SATB1: variants seen among roughly 807,000 people sequenced by gnomAD.
SATB1 encodes the protein DNA-binding protein SATB1.
In SATB1, 11 loss-of-function variants were observed where a neutral mutation model predicts 86.9. The observed-to-expected ratio is 0.13, with a 90% CI of 0.08 to 0.21. The LOEUF (loss-of-function observed/expected upper bound fraction) is 0.21, where lower values mean the gene tolerates loss of function less well. Ranked by LOEUF, SATB1 falls within the 10% of genes least tolerant of loss-of-function variation. The probability of loss-of-function intolerance (pLI) is 1.00; values close to 1 mark genes in which losing one functional copy is unlikely to be tolerated. For missense variants in SATB1, 551 were observed against 937.6 expected, an observed-to-expected ratio of 0.59 and a Z score of 5.39; for synonymous variants, 357 against 357.2, an observed-to-expected ratio of 1.00 and a Z score of 0.01.
chr3:18,348,184 A>G lies in SATB1; in HGVS notation c.*986T>C, dbSNP rs910467849. Reference sequence around the variant, plus strand: ...CATTGCAAACATCAATTATTTTCACATTAATTGCATAATTTTCTAAGGTGA... The same window carrying G: ...CATTGCAAACATCAATTATTTTCACGTTAATTGCATAATTTTCTAAGGTGA... On this transcript the variant is annotated 3_prime_UTR_variant, in exon 11 of 11. Transcript: ENST00000338745. 5 of 152,650 alleles carry G rather than the reference A, an allele frequency of 3.3e-5. No homozygotes were observed. The highest frequency in any genetic ancestry group is 9.6e-5 in the African/African-American group (4 of 41,462). The allele number at this position is 152,650 out of a possible 1,614,324, so 9.5% of individuals were successfully genotyped here.
intron 1 of SATB1, among the ~76,000 whole-genome samples, chr3:18,421,781 TA>T (rs1183280670): frequency 6.6e-6 from 1 of 151,660 alleles, no homozygotes; most frequent in East Asian, 1.9e-4. Flanking sequence ...TAACAATAAA[TA>T]TTTTTAAAAA....
chr3:18,410,354 G>A (rs771819049), intron 5 of SATB1, among the ~76,000 whole-genome samples: 5 of 151,980 alleles, frequency 3.3e-5, no homozygotes, highest in Admixed American at 6.6e-5. Context: ...TCTGTGGTAT[G>A]TGATGAAAAG....
At chr3:18,416,223 CTACCACAAGCAG>C in intron 3 of SATB1, 90 bp from the exon 4 acceptor site, 1 of 962,014 alleles carries the variant, frequency 1.0e-6, no homozygotes, top group Non-Finnish European at 1.5e-6. Flanking sequence ...TCTACTACCC[CTACCACAAGCAG>C]TACCGTTATT....
rs115052805 is a variant in SATB1 at position 18,390,691 on chromosome 3, T to G, written c.1206+3771A>C. 4.2e-3 allele frequency among the ~76,000 whole-genome samples: 640 copies of G among 152,280 alleles called. 10 individuals are homozygous for G. The highest frequency in any genetic ancestry group is 0.014 in the African/African-American group (599 of 41,554). On this transcript the variant is annotated intron_variant, in intron 7 of 10. Coordinates refer to ENST00000338745, the MANE Select transcript of SATB1 (RefSeq NM_002971.6). ...ATTACATGATGGTCCATTACTGTTATCAGTTTTGAATAATCCATCTTCATT... is the reference window on the plus strand; with the variant it reads ...ATTACATGATGGTCCATTACTGTTAGCAGTTTTGAATAATCCATCTTCATT...
intron 9 of SATB1, among the ~76,000 whole-genome samples, chr3:18,373,279 C>G (rs1695565374): frequency 6.6e-6 from 1 of 152,218 alleles, no homozygotes; most frequent in African/African-American, 2.4e-5. Flanking sequence ...ATTCTCAAAT[C>G]TGCAGGGCCT....
In SATB1 at chr3:18,378,219, G is replaced by A. The variant is rs370390997; in HGVS notation, c.1526C>T (p.Ala509Val). 4 of 1,609,468 alleles carry A rather than the reference G, an allele frequency of 2.5e-6. No individual in the cohort carries two copies. Among genetic ancestry groups the A allele is most frequent in the Non-Finnish European group, 8.5e-7 (1 of 1,178,334 alleles). ...YDEIQQEMKRAKVSQALFAKV... is the reference protein window; with the variant it reads ...YDEIQQEMKRVKVSQALFAKV... ...TGCAAACAGTGCTTGAGACACTTTA[G>A]CACGCTTCATTTCCTGCTGAATCTC... is the stretch of plus-strand genomic sequence containing the variant. Residue 509 changes from alanine (A) to valine (V), a missense_variant, in exon 9 of 11, where the codon GCT (alanine) becomes GTT (valine). Coordinates refer to ENST00000338745, the MANE Select transcript of SATB1 (RefSeq NM_002971.6).
At chr3:18,431,206 T>C (rs1283846025) in intron 2 of SATB1, among the ~76,000 whole-genome samples, 1 of 152,148 alleles carries the variant, frequency 6.6e-6, no homozygotes, top group East Asian at 1.9e-4. Flanking sequence ...CCTCATTTTT[T>C]TCCTGTAGCT....
chr3:18,349,846 T>A lies in SATB1; in HGVS notation c.1780-164A>T. 7.9e-7 allele frequency: 1 copy of A among 1,272,000 alleles called. No homozygotes were observed. The highest frequency in any genetic ancestry group is 1.0e-6 in the Non-Finnish European group (1 of 955,682). The allele number at this position is 1,272,000 out of a possible 1,614,324, so 78.8% of individuals were successfully genotyped here. A position where few individuals can be genotyped will look rare whatever the true frequency, so the allele number is the denominator to read the frequency against. On this transcript the variant is annotated intron_variant, in intron 10 of 10. Transcript: ENST00000338745. This position sits in a 1 kb window ranked among gnomAD's most constrained non-coding sequence, Gnocchi z 5.5. Reference sequence around the variant, plus strand: ...GGCCGGCGAAATGGCCGACAGCATTTACAAAAAAATCAAAATGATATGACT... The same window carrying A: ...GGCCGGCGAAATGGCCGACAGCATTAACAAAAAAATCAAAATGATATGACT...
At chr3:18,410,531 C>T (rs1215830304) in intron 5 of SATB1, among the ~76,000 whole-genome samples, 2 of 151,882 alleles carry the variant, frequency 1.3e-5, no homozygotes, top group African/African-American at 4.8e-5. Flanking sequence ...AAGGCGCTCT[C>T]GATACATCAA....
chr3:18,405,928 G>C (rs1181647392), intron 5 of SATB1, among the ~76,000 whole-genome samples: 1 of 151,928 alleles, frequency 6.6e-6, no homozygotes, highest in Non-Finnish European at 1.5e-5. Flanking sequence ...AAATTAATCT[G>C]GCTTCATCTC....
intron 9 of SATB1, among the ~76,000 whole-genome samples, chr3:18,354,418 G>A (rs1694529882): frequency 6.6e-6 from 1 of 152,022 alleles, no homozygotes; most frequent in South Asian, 2.1e-4. Context: ...CCCGAACACA[G>A]CAAATCACAC....
At chr3:18,396,854 TATCAG>T (rs1237356209) in intron 6 of SATB1, among the ~76,000 whole-genome samples, 1 of 152,116 alleles carries the variant, frequency 6.6e-6, no homozygotes, top group Admixed American at 6.5e-5. Context: ...AAGCAAGACT[TATCAG>T]AGAAAGAAAT....
chr3:18,399,420 G>C lies in SATB1; in HGVS notation c.640-2130C>G, dbSNP rs181418625. 1.1e-4 allele frequency among the ~76,000 whole-genome samples: 17 copies of C among 152,290 alleles called. No individual in the cohort carries two copies. In the East Asian group the frequency reaches 2.3e-3, roughly 21 times the overall value. ...TGTAAATAGATCATCTCAATTTAAT[G>C]TGATTTGGTATATCAACAGTGGAAA... On this transcript the variant is annotated intron_variant, in intron 5 of 10. Transcript: ENST00000338745.
At chr3:18,383,439 G>A (rs963206525) in intron 8 of SATB1, among the ~76,000 whole-genome samples, 9 of 152,174 alleles carry the variant, frequency 5.9e-5, no homozygotes, top group Non-Finnish European at 8.8e-5. Flanking sequence ...AATGGGGGCT[G>A]GGTTTTCTGT....
At chr3:18,419,427 G>A (rs1698279138) in intron 2 of SATB1, among the ~76,000 whole-genome samples, 1 of 152,194 alleles carries the variant, frequency 6.6e-6, no homozygotes, top group African/African-American at 2.4e-5. Context: ...TTATGAGCCT[G>A]TGTAAACAGC....
rs1396095712 is a variant in SATB1, at chr3:18,397,161, A to G, written c.751+18T>C. 1 of 1,354,598 alleles carries G rather than the reference A, an allele frequency of 7.4e-7. No homozygotes were observed. The highest frequency in any genetic ancestry group is 1.2e-5 in the South Asian group (1 of 85,826). The allele number at this position is 1,354,598 out of a possible 1,614,324, so 83.9% of individuals were successfully genotyped here. On this transcript the variant is annotated intron_variant, in intron 6 of 10. Coordinates refer to ENST00000338745, the MANE Select transcript of SATB1 (RefSeq NM_002971.6). ...CGTAATGGTATGTAGCCACTGCTGC[A>G]ATGTTTTTTTTGCTTACCCATCATA...
At chr3:18,355,120 G>T (rs1328041996) in intron 9 of SATB1, among the ~76,000 whole-genome samples, 1 of 152,026 alleles carries the variant, frequency 6.6e-6, no homozygotes, top group Non-Finnish European at 1.5e-5. Flanking sequence ...TAACGGTGCA[G>T]CTGGGAACTG....
chr3:18,395,280 C>T (rs1696908325), intron 6 of SATB1, among the ~76,000 whole-genome samples: 1 of 152,112 alleles, frequency 6.6e-6, no homozygotes, highest in South Asian at 2.1e-4. Context: ...ATGTCATTTG[C>T]TTAATGACAA....
intron 9 of SATB1, among the ~76,000 whole-genome samples, chr3:18,377,105 A>G (rs559617193): frequency 6.6e-6 from 1 of 152,334 alleles, no homozygotes; most frequent in South Asian, 2.1e-4. Flanking sequence ...AACACTATAA[A>G]TGTCGATAGG....
Sources: allele counts gnomAD v4.1 joint callset (sites outside exome capture counted in the v4.1 genomes callset), GRCh38; gene constraint gnomAD v4.1.1; non-coding constraint Gnocchi (gnomAD v3.1); transcripts MANE v1.5; gene names NCBI Gene and HGNC (gene_info 2026-07-23, HGNC 2026-07-21).